The following TBC1D1 variants were observed in gnomAD, a reference collection of about 807,000 sequenced individuals.
The protein encoded by TBC1D1 is TBC1 domain family member 1.
A neutral mutation model predicts 125.6 loss-of-function variants in TBC1D1; 89 were observed. The ratio of observed to expected loss-of-function variants is 0.71; its 90% CI spans 0.60 to 0.85. TBC1D1 has a LOEUF of 0.85. Among genes scored for constraint, TBC1D1 ranks in the 40% least tolerant of loss-of-function variants. The probability of loss-of-function intolerance (pLI) is 0.00; values close to 1 mark genes in which losing one functional copy is unlikely to be tolerated. For synonymous variants in TBC1D1, 565 were observed against 564.1 expected, an observed-to-expected ratio of 1.00 and a Z score of -0.02; for missense variants, 1,377 against 1,469.2, an observed-to-expected ratio of 0.94 and a Z score of 1.03.
intron 13 of TBC1D1, among the ~76,000 whole-genome samples, chr4:38,091,023 G>A (rs940202019): frequency 3.9e-5 from 6 of 152,232 alleles, no homozygotes; most frequent in Non-Finnish European, 2.9e-5. Context: ...TTGCATCTGT[G>A]AGTTTCAGTT....
At chr4:38,070,705 C>T (rs1234246792) in intron 12 of TBC1D1, among the ~76,000 whole-genome samples, 1 of 152,038 alleles carries the variant, frequency 6.6e-6, no homozygotes, top group Non-Finnish European at 1.5e-5. Flanking sequence ...AGAAAGAATA[C>T]AAAGAGAGCA....
At chr4:37,898,721 C>T (rs914107211) in intron 1 of TBC1D1, among the ~76,000 whole-genome samples, 1 of 152,098 alleles carries the variant, frequency 6.6e-6, no homozygotes, top group Non-Finnish European at 1.5e-5. Flanking sequence ...CGTCTCCAAC[C>T]CAGGAGTCTC....
intron 15 of TBC1D1, among the ~76,000 whole-genome samples, chr4:38,111,328 G>A (rs1762168125): frequency 6.6e-6 from 1 of 152,322 alleles, no homozygotes; most frequent in East Asian, 1.9e-4. Flanking sequence ...ATGGAAGGAT[G>A]CCATTCACTT....
chr4:38,112,165 G>T, intron 15 of TBC1D1: 1 of 723,124 alleles, frequency 1.4e-6, no homozygotes, highest in Non-Finnish European at 1.7e-6. Context: ...GGTGGTGGTG[G>T]TGATTATTAT....
At chr4:38,039,177 G>A (rs1747859007) in intron 8 of TBC1D1, among the ~76,000 whole-genome samples, 1 of 120,408 alleles carries the variant, frequency 8.3e-6, no homozygotes, top group South Asian at 2.9e-4. Flanking sequence ...GAGTGCAGTG[G>A]CGCTATCTTG....
chr4:38,046,417 T>C (rs1749492820), intron 10 of TBC1D1, among the ~76,000 whole-genome samples: 1 of 152,002 alleles, frequency 6.6e-6, no homozygotes, highest in Non-Finnish European at 1.5e-5. Flanking sequence ...ATAATTAATA[T>C]TGGGAAAACA....
At chr4:38,042,557 G>A (rs1479490304) in intron 8 of TBC1D1, among the ~76,000 whole-genome samples, 1 of 151,888 alleles carries the variant, frequency 6.6e-6, no homozygotes, top group African/African-American at 2.4e-5. Flanking sequence ...ACCTGGCCTT[G>A]GTATATGTGT....
At chr4:37,900,407 CTTTTTT>C (rs10612576) in intron 1 of TBC1D1, among the ~76,000 whole-genome samples, 9 of 140,664 alleles carry the variant, frequency 6.4e-5, no homozygotes, top group Non-Finnish European at 1.6e-5. Flanking sequence ...AAGGAAATAT[CTTTTTT>C]TTTTTTTTTC....
At chr4:37,943,745 T>C (rs1726063232) in intron 2 of TBC1D1, among the ~76,000 whole-genome samples, 1 of 152,232 alleles carries the variant, frequency 6.6e-6, no homozygotes, top group Non-Finnish European at 1.5e-5. Flanking sequence ...TCTAATCTTT[T>C]TTCAAGGTTT....
chr4:37,992,365 T>TA (rs1736763898), intron 2 of TBC1D1, among the ~76,000 whole-genome samples: 1 of 152,136 alleles, frequency 6.6e-6, no homozygotes, highest in African/African-American at 2.4e-5. Context: ...AGAAGCCACT[T>TA]ACCAGGTTTT....
At chr4:37,965,910 C>G (rs1214729503) in intron 2 of TBC1D1, among the ~76,000 whole-genome samples, 10 of 152,020 alleles carry the variant, frequency 6.6e-5, no homozygotes, top group Non-Finnish European at 4.4e-5. Context: ...CCATGCCCAG[C>G]TAATTTTTGT....
intron 7 of TBC1D1, among the ~76,000 whole-genome samples, chr4:38,035,262 C>G (rs540802704): frequency 1.2e-4 from 19 of 152,196 alleles, no homozygotes; most frequent in African/African-American, 4.6e-4. Flanking sequence ...GGCCCCTGAC[C>G]TTTGGGTATT....
intron 7 of TBC1D1, among the ~76,000 whole-genome samples, chr4:38,030,004 T>C (rs899393427): frequency 6.6e-6 from 1 of 152,240 alleles, no homozygotes; most frequent in African/African-American, 2.4e-5. Flanking sequence ...TTGGGGCCTT[T>C]TTCATCTAAT....
At chr4:37,982,191 G>A (rs1291213647) in intron 2 of TBC1D1, among the ~76,000 whole-genome samples, 2 of 152,188 alleles carry the variant, frequency 1.3e-5, no homozygotes, top group Admixed American at 1.3e-4. Context: ...TAGGCGGTAG[G>A]AGTTGCCCTT....
At chr4:38,000,072 A>G (rs1208692656) in intron 2 of TBC1D1, among the ~76,000 whole-genome samples, 1 of 152,068 alleles carries the variant, frequency 6.6e-6, no homozygotes, top group Admixed American at 6.5e-5. Flanking sequence ...GTTGATTTTA[A>G]TTTCTTTGAT....
chr4:38,061,936 G>A (rs139967604), intron 12 of TBC1D1, among the ~76,000 whole-genome samples: 185 of 151,498 alleles, frequency 1.2e-3, no homozygotes, highest in Admixed American at 1.8e-3. Flanking sequence ...AATTTTAGTG[G>A]ATAAGTGGAA....
intron 15 of TBC1D1, chr4:38,110,474 T>G: frequency 1.0e-6 from 1 of 985,432 alleles, no homozygotes; most frequent in Non-Finnish European, 1.2e-6. Context: ...ATCCGTTAGA[T>G]GAGCAAAATT....
At position 38,125,151 on chromosome 4, in the gene TBC1D1, T is replaced by G; in HGVS notation, c.3132+20T>G. On this transcript the variant is annotated intron_variant, in intron 18 of 19. Coordinates refer to ENST00000261439, the MANE Select transcript of TBC1D1 (RefSeq NM_015173.4). ...AATCAGGTATGAGTCAGTCCAAACC[T>G]TGCAAATGCTTAAGCCATCCTAGAT... The G allele has an allele frequency of 6.2e-7, 1 of 1,610,420 alleles. No individual in the cohort carries two copies.
rs765639033 is a variant in TBC1D1, at chr4:38,133,089, T to C, written c.3138T>C (p.Phe1046=). Residue 1046 remains phenylalanine (F), a synonymous_variant, in exon 19 of 20, where the codon TTT becomes TTC. Transcript: ENST00000261439. ...GACTTTTCTTTCTATAACAGGTATT[T>C]GAAATGGACATCGCTAAACAGTTAC... 1.9e-6 allele frequency: 3 copies of C among 1,609,164 alleles called. No homozygotes were observed. The highest frequency in any genetic ancestry group is 2.5e-6 in the Non-Finnish European group (3 of 1,178,410).
Sources: allele counts gnomAD v4.1 joint callset (sites outside exome capture counted in the v4.1 genomes callset), GRCh38; gene constraint gnomAD v4.1.1; transcripts MANE v1.5; gene names NCBI Gene and HGNC (gene_info 2026-07-23, HGNC 2026-07-21).